SIRPB2: variants seen among roughly 807,000 people sequenced by gnomAD.
The protein encoded by SIRPB2 is signal-regulatory protein beta-2.
SIRPB2 carries 18 observed loss-of-function variants against 27.1 expected under a neutral mutation model. The observed-to-expected ratio is 0.66, with a 90% CI of 0.46 to 0.98. SIRPB2 has a LOEUF of 0.98. SIRPB2 is among the 50% of genes least tolerant of loss of function. SIRPB2 has a pLI of 0.00. For synonymous variants in SIRPB2, 150 were observed against 164.6 expected (o/e 0.91, Z 0.68); for missense variants, 420 against 417.4 (o/e 1.01, Z -0.06).
rs562390715 is a variant in SIRPB2 at position 1,479,882 on chromosome 20, C to A, written c.269G>T (p.Gly90Val). 1.2e-6 allele frequency: 2 copies of A among 1,614,202 alleles called. No homozygotes were observed. The highest frequency in any genetic ancestry group is 2.7e-5 in the African/African-American group (2 of 75,052). The change falls in exon 2 of 5, where the codon GGC becomes GTC. Residue 90 changes from glycine to valine, a missense_variant. Physicochemically the swap from Gly to Val is moderately radical, Grantham distance 109. Coordinates refer to ENST00000359801, the MANE Select transcript of SIRPB2 (RefSeq NM_001122962.2). The stretch of plus-strand genomic sequence containing the variant: ...CATGGGCATTACCCCAGGGAAGGAG[C>A]CACGTTTAAAGTTATAAATTTCCTG... ...DQQEIYNFKR[G>V]SFPGVMPMIQ...
At chr20:1,487,888 C>T (rs2090741796) in intron 1 of SIRPB2, among the ~76,000 whole-genome samples, 2 of 152,152 alleles carry the variant, frequency 1.3e-5, no homozygotes, top group South Asian at 4.1e-4. Flanking sequence ...ATTGGAAATA[C>T]ATGTGCAAAC....
At chr20:1,478,882 A>G (rs2090637499) in intron 2 of SIRPB2, among the ~76,000 whole-genome samples, 1 of 152,224 alleles carries the variant, frequency 6.6e-6, no homozygotes, top group African/African-American at 2.4e-5. Flanking sequence ...GATGGTCAAA[A>G]AATTGCCCAG....
chr20:1,476,355 A>T lies in SIRPB2; in HGVS notation c.860-19T>A. 1.2e-6 allele frequency: 2 copies of T among 1,603,862 alleles called. No individual in the cohort carries two copies. The highest frequency in any genetic ancestry group is 8.5e-7 in the Non-Finnish European group (1 of 1,175,634). ...AGGAGGCCTGGGAGGCACAGGAGAG[A>T]GCTCAGGCGGGACCCGTGGTGAGGG... On this transcript the variant is annotated intron_variant, in intron 4 of 4. Transcript: ENST00000359801.
Position 1,479,690 on chromosome 20 carries a change from T to A in SIRPB2, c.451+10A>T. 1 of 1,612,990 alleles carries A rather than the reference T, an allele frequency of 6.2e-7. No homozygotes were observed. Among genetic ancestry groups the A allele is most frequent in the South Asian group, 1.1e-5 (1 of 90,932 alleles). Reference sequence around the variant, plus strand: ...GAGCAAATGTGTGGTCTGCAGGGCCTGATCCTTACCCTTCACAAGCACTGA... The same window carrying A: ...GAGCAAATGTGTGGTCTGCAGGGCCAGATCCTTACCCTTCACAAGCACTGA... On this transcript the variant is annotated intron_variant, in intron 2 of 4. Transcript: ENST00000359801.
chr20:1,476,048 A>T lies in SIRPB2; in HGVS notation c.*119T>A, dbSNP rs75681928. 1 of 1,134,516 alleles carries T rather than the reference A, an allele frequency of 8.8e-7. No homozygotes were observed. Among genetic ancestry groups the T allele is most frequent in the South Asian group, 1.4e-5 (1 of 71,342 alleles). 70.3% of individuals were successfully genotyped at this position (1,134,516 alleles called of 1,614,324 possible). ...AGGTGGACCAAAACCAGATGTAGGGATCTAGGAGTTTGTCATGAGGCCTGG... is the reference window on the plus strand; with the variant it reads ...AGGTGGACCAAAACCAGATGTAGGGTTCTAGGAGTTTGTCATGAGGCCTGG... On this transcript the variant is annotated 3_prime_UTR_variant, in exon 5 of 5. Coordinates refer to ENST00000359801, the MANE Select transcript of SIRPB2 (RefSeq NM_001122962.2).
downstream of SIRPB2, chr20:1,470,699 T>A (rs1396866898): frequency 2.0e-5 from 3 of 152,164 alleles, no homozygotes; most frequent in African/African-American, 7.2e-5. Flanking sequence ...AGAGCGAGAC[T>A]CTGTCTCAAA....
intron 1 of SIRPB2, among the ~76,000 whole-genome samples, chr20:1,482,828 A>G (rs2090685871): frequency 1.3e-5 from 2 of 151,068 alleles, no homozygotes; most frequent in East Asian, 3.9e-4. Flanking sequence ...CACTATATAT[A>G]TGTATTTTTT....
intron 1 of SIRPB2, among the ~76,000 whole-genome samples, chr20:1,487,603 A>G (rs2090738620): frequency 6.6e-6 from 1 of 152,260 alleles, no homozygotes; most frequent in Non-Finnish European, 1.5e-5. Context: ...AACTGAATAG[A>G]GAGTCTAGAA....
intron 1 of SIRPB2, among the ~76,000 whole-genome samples, chr20:1,488,995 G>T (rs2090752832): frequency 6.6e-6 from 1 of 152,176 alleles, no homozygotes; most frequent in Non-Finnish European, 1.5e-5. Flanking sequence ...GAATGGGAAA[G>T]GGTTTATCCA....
At chr20:1,484,969 A>G (rs971341217) in intron 1 of SIRPB2, among the ~76,000 whole-genome samples, 5 of 152,196 alleles carry the variant, frequency 3.3e-5, no homozygotes, top group Non-Finnish European at 5.9e-5. Flanking sequence ...TCATTATGTT[A>G]AGTGAAATAA....
chr20:1,482,465 C>T (rs2090680467), intron 1 of SIRPB2, among the ~76,000 whole-genome samples: 1 of 151,618 alleles, frequency 6.6e-6, no homozygotes, highest in African/African-American at 2.4e-5. Flanking sequence ...ATTTTTAGCA[C>T]CTGCATAGTT....
At chr20:1,473,995 C>T (rs902980478), downstream of SIRPB2, 1 of 401,546 alleles carries the variant, frequency 2.5e-6, no homozygotes, top group Non-Finnish European at 5.0e-6. Flanking sequence ...TTCCTTGATT[C>T]TTCCAGCTTC....
intron 2 of SIRPB2, among the ~76,000 whole-genome samples, chr20:1,478,836 G>T (rs1016292236): frequency 7.2e-5 from 11 of 152,202 alleles, no homozygotes; most frequent in Non-Finnish European, 1.5e-4. Context: ...AGACACAAGT[G>T]CCCGGCCCTG....
At chr20:1,491,098 C>T (rs1046759146) in intron 1 of SIRPB2, among the ~76,000 whole-genome samples, 177 bp downstream of exon 1, 9 of 152,178 alleles carry the variant, frequency 5.9e-5, no homozygotes, top group South Asian at 2.1e-4. Context: ...CACTTCACTA[C>T]GCTGCTTCTT....
rs892639785 is a variant in SIRPB2 at position 1,477,712 on chromosome 20, G to A, written c.794-309C>T. ...TTTTTTGAGACGGAGTTTTGCTCTT[G>A]TTGCCCAGGCTGGAGTACAAGGGTG... On this transcript the variant is annotated intron_variant, in intron 3 of 4. Coordinates refer to ENST00000359801, the MANE Select transcript of SIRPB2 (RefSeq NM_001122962.2). Among the ~76,000 whole-genome samples the A allele has an allele frequency of 2.6e-5, 4 of 152,222 alleles. No homozygotes were observed. The South Asian group carries it at 6.2e-4, about 24-fold the overall frequency.
chr20:1,478,285 G>A lies in SIRPB2; in HGVS notation c.774C>T (p.Gly258=), dbSNP rs763617986. The A allele has an allele frequency of 6.2e-7, 1 of 1,612,652 alleles. No individual in the cohort carries two copies. Among genetic ancestry groups the A allele is most frequent in the Non-Finnish European group, 8.5e-7 (1 of 1,178,812 alleles). The change falls in exon 3 of 5, where the codon GGC becomes GGT. Residue 258 remains glycine, a synonymous_variant. Coordinates refer to ENST00000359801, the MANE Select transcript of SIRPB2 (RefSeq NM_001122962.2). ...KPNRQYLSGQ[G]TSLKVKAKST... is the part of the protein sequence containing the mutation. ...TCTCACCTTTCACTTTCAGGCTGGT[G>A]CCCTGTCCAGACAGGTATTGCCTGT... is the stretch of plus-strand genomic sequence containing the variant.
downstream of SIRPB2, among the ~76,000 whole-genome samples, chr20:1,471,848 C>T (rs944787525): frequency 1.3e-5 from 2 of 152,098 alleles, no homozygotes; most frequent in African/African-American, 4.8e-5. Context: ...TCCTCGAGCC[C>T]GAGGAGAGTG....
downstream of SIRPB2, among the ~76,000 whole-genome samples, chr20:1,474,266 G>A (rs1421447056): frequency 6.6e-6 from 1 of 152,138 alleles, no homozygotes; most frequent in Non-Finnish European, 1.5e-5. Flanking sequence ...AACAGTCAAA[G>A]GTTCCAGAGA....
At chr20:1,477,469 A>G in intron 3 of SIRPB2, 66 bp from the exon 4 acceptor site, 5 of 1,548,050 alleles carry the variant, frequency 3.2e-6, no homozygotes, top group Non-Finnish European at 4.4e-6. Flanking sequence ...CCTAAGTCCC[A>G]GGAGCTGGGA....
Sources: allele counts gnomAD v4.1 joint callset (sites outside exome capture counted in the v4.1 genomes callset), GRCh38; gene constraint gnomAD v4.1.1; transcripts MANE v1.5; gene names NCBI Gene and HGNC (gene_info 2026-07-23, HGNC 2026-07-21).